The following KIF6 variants were observed in gnomAD, a reference collection of about 807,000 sequenced individuals.
The protein encoded by KIF6 is kinesin-like protein KIF6.
KIF6 carries 106 observed loss-of-function variants against 112.7 expected under a neutral mutation model. The observed-to-expected ratio is 0.94, with a 90% confidence interval of 0.80 to 1.11. The LOEUF (loss-of-function observed/expected upper bound fraction) is 1.11. Among genes scored for constraint, KIF6 ranks in the 50% least tolerant of loss-of-function variants. The pLI, the probability that KIF6 is intolerant of heterozygous loss-of-function variation, is 0.00. For synonymous variants in KIF6, 339 were observed against 339.9 expected (o/e 1.00, Z 0.03); for missense variants, 929 against 964.0 (o/e 0.96, Z 0.48).
chr6:39,388,479 C>A (rs1767605705), intron 15 of KIF6, among the ~76,000 whole-genome samples: 1 of 152,102 alleles, frequency 6.6e-6, no homozygotes, highest in African/African-American at 2.4e-5. Context: ...TTTTACAATG[C>A]CGCTAGTGAT....
chr6:39,357,277 CTTT>C lies in KIF6; in HGVS notation c.2177_2179del (p.Lys726del). On this transcript the variant is annotated inframe_deletion and splice_region_variant, in exon 19 of 23. Coordinates refer to ENST00000287152, the MANE Select transcript of KIF6 (RefSeq NM_145027.6). The stretch of plus-strand genomic sequence containing the variant: ...CACCTCCGGTGAGTTCTCACCTTAC[CTTT>C]TGTTAGAGAGGAGTTGGGACCATTC... 1 of 1,608,066 alleles carries C rather than the reference CTTT, an allele frequency of 6.2e-7. No individual in the cohort carries two copies. Among genetic ancestry groups the C allele is most frequent in the Non-Finnish European group, 8.5e-7 (1 of 1,175,224 alleles).
At chr6:39,610,548 T>C (rs1371096513) in intron 6 of KIF6, among the ~76,000 whole-genome samples, 1 of 152,240 alleles carries the variant, frequency 6.6e-6, no homozygotes, top group African/African-American at 2.4e-5. Context: ...GGTAAGATCG[T>C]TCTGTGCTGA....
At chr6:39,418,340 GC>G (rs1003521181) in intron 15 of KIF6, among the ~76,000 whole-genome samples, 10 of 152,086 alleles carry the variant, frequency 6.6e-5, no homozygotes, top group Non-Finnish European at 1.5e-5. Context: ...ATAATTTGGT[GC>G]ATAAATTAAA....
At chr6:39,487,573 CA>C (rs1775194465) in intron 13 of KIF6, among the ~76,000 whole-genome samples, 1 of 152,130 alleles carries the variant, frequency 6.6e-6, no homozygotes, top group African/African-American at 2.4e-5. Flanking sequence ...GTGTCAATGC[CA>C]AGAGTTCTCC....
intron 3 of KIF6, among the ~76,000 whole-genome samples, chr6:39,663,866 CA>C (rs1786302118): frequency 6.6e-6 from 1 of 151,868 alleles, no homozygotes. Flanking sequence ...GCAGAGATCA[CA>C]TCACATGAGA....
At chr6:39,428,046 T>C (rs1007144923) in intron 14 of KIF6, among the ~76,000 whole-genome samples, 2 of 152,178 alleles carry the variant, frequency 1.3e-5, no homozygotes, top group African/African-American at 2.4e-5. Context: ...TAACCTGTAG[T>C]GTTTGGGGGA....
chr6:39,579,988 G>A (rs193215014), intron 9 of KIF6, among the ~76,000 whole-genome samples: 324 of 151,042 alleles, frequency 2.1e-3, no homozygotes, highest in Non-Finnish European at 3.9e-3. Flanking sequence ...GCTATTCTTG[G>A]CCATTTGCTC....
At chr6:39,556,929 G>A (rs893375569) in intron 10 of KIF6, among the ~76,000 whole-genome samples, 3 of 152,046 alleles carry the variant, frequency 2.0e-5, no homozygotes, top group Non-Finnish European at 4.4e-5. Context: ...GTTCTGTCTT[G>A]TATGAAATTA....
chr6:39,450,213 T>C (rs571781893), intron 13 of KIF6, among the ~76,000 whole-genome samples: 1 of 152,242 alleles, frequency 6.6e-6, no homozygotes, highest in South Asian at 2.1e-4. Flanking sequence ...TGCTATGGGG[T>C]CATCCAAGCT....
Position 39,671,194 on chromosome 6 carries a change from T to C in KIF6, c.252-31437A>G, listed in dbSNP as rs140221440. Among the ~76,000 whole-genome samples the C allele has an allele frequency of 8.8e-3, 1,335 of 152,278 alleles. 13 individuals are homozygous for C. Among genetic ancestry groups the C allele is most frequent in the Non-Finnish European group, 0.012 (799 of 68,014 alleles). ...AAAAGGAAGAGTGATTTACTTCCGT[T>C]GGGGTGACTGGAAGTTTCACTAAGG... On this transcript the variant is annotated intron_variant, in intron 3 of 22. Transcript: ENST00000287152.
chr6:39,476,031 C>G (rs1464726445), intron 13 of KIF6, among the ~76,000 whole-genome samples: 4 of 151,450 alleles, frequency 2.6e-5, no homozygotes, highest in Admixed American at 2.6e-4. Flanking sequence ...AGGAACAACA[C>G]ATACTCGGGC....
At chr6:39,664,127 A>G (rs1362416389) in intron 3 of KIF6, among the ~76,000 whole-genome samples, 2 of 152,186 alleles carry the variant, frequency 1.3e-5, no homozygotes, top group African/African-American at 4.8e-5. Flanking sequence ...ATAAATAATA[A>G]GAAACCAGGG....
chr6:39,467,208 C>T (rs930042794), intron 13 of KIF6, among the ~76,000 whole-genome samples: 1 of 152,174 alleles, frequency 6.6e-6, no homozygotes, highest in African/African-American at 2.4e-5. Flanking sequence ...ATGAGAGCAA[C>T]AAGCTAAACC....
chr6:39,597,871 A>G (rs565180674), intron 6 of KIF6, among the ~76,000 whole-genome samples: 1 of 152,300 alleles, frequency 6.6e-6, no homozygotes, highest in Non-Finnish European at 1.5e-5. Flanking sequence ...CATTAATAAT[A>G]AATAAAGGAC....
chr6:39,573,881 A>T (rs1780778621), intron 10 of KIF6, among the ~76,000 whole-genome samples: 1 of 152,222 alleles, frequency 6.6e-6, no homozygotes, highest in Non-Finnish European at 1.5e-5. Flanking sequence ...GGTTTTGCTC[A>T]TATTTGTGCC....
At chr6:39,602,151 A>T (rs1782614823) in intron 6 of KIF6, among the ~76,000 whole-genome samples, 1 of 152,170 alleles carries the variant, frequency 6.6e-6, no homozygotes, top group South Asian at 2.1e-4. Flanking sequence ...ACTGACCATT[A>T]TTTAATAATC....
intron 10 of KIF6, among the ~76,000 whole-genome samples, chr6:39,550,568 C>T (rs748265126): frequency 6.6e-6 from 1 of 152,134 alleles, no homozygotes; most frequent in African/African-American, 2.4e-5. Flanking sequence ...AAAAATACCC[C>T]AGTTGGTGGG....
At chr6:39,660,943 C>T (rs1471195324) in intron 3 of KIF6, among the ~76,000 whole-genome samples, 2 of 152,176 alleles carry the variant, frequency 1.3e-5, no homozygotes, top group African/African-American at 4.8e-5. Context: ...CCTTGCAGTG[C>T]TTCACACAAA....
At chr6:39,688,397 A>T (rs1787993902) in intron 3 of KIF6, among the ~76,000 whole-genome samples, 1 of 152,184 alleles carries the variant, frequency 6.6e-6, no homozygotes, top group African/African-American at 2.4e-5. Flanking sequence ...ATGACTACAC[A>T]TCTTACTTTT....
Sources: allele counts gnomAD v4.1 joint callset (sites outside exome capture counted in the v4.1 genomes callset), GRCh38; gene constraint gnomAD v4.1.1; transcripts MANE v1.5; gene names NCBI Gene and HGNC (gene_info 2026-07-23, HGNC 2026-07-21).